TLN2: variants seen among roughly 807,000 people sequenced by gnomAD.
TLN2 encodes talin 2, also known as talin-2.
In TLN2, 118 loss-of-function variants were observed where a neutral mutation model predicts 294.7. The observed-to-expected ratio is 0.40, with a 90% CI of 0.34 to 0.47. The LOEUF (loss-of-function observed/expected upper bound fraction) is 0.47, where lower values mean the gene tolerates loss of function less well. Ranked by LOEUF, TLN2 falls within the 20% of genes least tolerant of loss-of-function variation. The probability of loss-of-function intolerance (pLI) is 0.84; values close to 1 mark genes in which losing one functional copy is unlikely to be tolerated. For synonymous variants in TLN2, 1,431 were observed against 1,304.5 expected (o/e 1.10, Z -2.09); for missense variants, 3,083 against 3,282.2 (o/e 0.94, Z 1.48).
At chr15:62,413,097 A>G (rs1232040698) in intron 1 of TLN2, among the ~76,000 whole-genome samples, 1 of 152,204 alleles carries the variant, frequency 6.6e-6, no homozygotes, top group Non-Finnish European at 1.5e-5. Flanking sequence ...GAGAATTGAA[A>G]TCTTTGCAGG....
chr15:62,762,535 A>C lies in TLN2; in HGVS notation c.4961+82A>C. 4 of 1,434,114 alleles carry C rather than the reference A, an allele frequency of 2.8e-6. No individual in the cohort carries two copies. The South Asian group carries it at 3.7e-5, about 13-fold the overall frequency. 88.8% of individuals were successfully genotyped at this position (1,434,114 alleles called of 1,614,324 possible). A position where few individuals can be genotyped will look rare whatever the true frequency, so the allele number is the denominator to read the frequency against. On this transcript the variant is annotated intron_variant, in intron 39 of 58. Coordinates refer to ENST00000636159, the MANE Select transcript of TLN2 (RefSeq NM_015059.3). ...GATAAGCCCACCAGGCTTTTTACTT[A>C]ATAGTGATATTGTTGATCATTATCA...
At chr15:62,524,001 A>G (rs529080820) in intron 1 of TLN2, among the ~76,000 whole-genome samples, 1 of 152,368 alleles carries the variant, frequency 6.6e-6, no homozygotes, top group African/African-American at 2.4e-5. Context: ...GGTTACTAGT[A>G]TTAGATGCTG....
chr15:62,471,766 C>T (rs192641866), intron 1 of TLN2, among the ~76,000 whole-genome samples: 235 of 152,222 alleles, frequency 1.5e-3, no homozygotes, highest in African/African-American at 5.2e-3. Flanking sequence ...CTTTCACATT[C>T]GGGTTTGAAA....
intron 1 of TLN2, among the ~76,000 whole-genome samples, chr15:62,565,993 G>A (rs550078711): frequency 6.6e-6 from 1 of 151,786 alleles, no homozygotes; most frequent in African/African-American, 2.4e-5. Flanking sequence ...ATCATGATAC[G>A]TCTTAGGGTT....
At chr15:62,647,475 T>A in intron 4 of TLN2, 29 bp downstream of exon 4, 1 of 1,613,014 alleles carries the variant, frequency 6.2e-7, no homozygotes, top group Non-Finnish European at 8.5e-7. Context: ...ACTGGCTTCT[T>A]AAAACGTGTT....
intron 9 of TLN2, among the ~76,000 whole-genome samples, chr15:62,665,134 G>A (rs1286077172): frequency 1.3e-5 from 2 of 152,096 alleles, no homozygotes; most frequent in African/African-American, 2.4e-5. Context: ...GTGCAGTGGC[G>A]CCATCTTAGC....
chr15:62,524,073 C>T (rs1488391532), intron 1 of TLN2, among the ~76,000 whole-genome samples: 2 of 152,186 alleles, frequency 1.3e-5, no homozygotes, highest in Non-Finnish European at 2.9e-5. Context: ...CTATCTGCTT[C>T]CCAGTTAGGC....
At chr15:62,704,890 A>G (rs995424419) in intron 19 of TLN2, among the ~76,000 whole-genome samples, 2 of 152,240 alleles carry the variant, frequency 1.3e-5, no homozygotes, top group African/African-American at 4.8e-5. Context: ...CTTGGTAAAT[A>G]TGAGATTCAG....
Position 62,753,766 on chromosome 15 carries a change from T to C in TLN2, c.4333-7T>C. 3 of 1,602,224 alleles carry C rather than the reference T, an allele frequency of 1.9e-6. No homozygotes were observed. Among genetic ancestry groups the C allele is most frequent in the Non-Finnish European group, 2.6e-6 (3 of 1,174,534 alleles). ...CCTGAGCTGTGGTTTTTCTCTTCCC[T>C]TTCTAGGCTGCATACTTGGTTGGCA... On this transcript the variant is annotated splice_polypyrimidine_tract_variant and splice_region_variant and intron_variant, in intron 35 of 58. Transcript: ENST00000636159.
chr15:62,538,686 G>T (rs927843470), intron 1 of TLN2, among the ~76,000 whole-genome samples: 7 of 152,118 alleles, frequency 4.6e-5, no homozygotes, highest in African/African-American at 1.7e-4. Context: ...GAAGTTAGTT[G>T]TACCTGTAAA....
intron 32 of TLN2, 77 bp downstream of exon 32, chr15:62,740,846 C>T (rs545888375): frequency 1.3e-6 from 2 of 1,580,430 alleles, no homozygotes; most frequent in Admixed American, 3.4e-5. Flanking sequence ...CTGACATCCT[C>T]CCACTTTTGC....
At chr15:62,510,168 C>T (rs1369540528) in intron 1 of TLN2, among the ~76,000 whole-genome samples, 2 of 152,144 alleles carry the variant, frequency 1.3e-5, no homozygotes, top group Non-Finnish European at 2.9e-5. Context: ...CCAAATGGCT[C>T]GTGTTCAGCT....
rs369934703 is a variant in TLN2 at position 62,686,670 on chromosome 15, G to T, written c.987G>T (p.Val329=). The change falls in exon 12 of 59, where the codon GTG becomes GTT. Residue 329 remains valine, a synonymous_variant. Transcript: ENST00000636159. The part of the protein sequence containing the change: ...KEKMKGKNKL[V]PRLLGITKDS... ...AGATGAAAGGCAAGAACAAGCTGGT[G>T]CCTCGCCTGCTGGGGATCACCAAAG... The T allele has an allele frequency of 4.9e-5, 79 of 1,613,768 alleles. No individual in the cohort carries two copies. Among genetic ancestry groups the T allele is most frequent in the Non-Finnish European group, 6.7e-5 (79 of 1,179,890 alleles).
chr15:62,583,528 G>A (rs1452466571), intron 1 of TLN2, among the ~76,000 whole-genome samples: 1 of 151,472 alleles, frequency 6.6e-6, no homozygotes, highest in Non-Finnish European at 1.5e-5. Flanking sequence ...TACAAAAGAT[G>A]GGAGACTATG....
intron 9 of TLN2, among the ~76,000 whole-genome samples, chr15:62,663,915 G>C (rs2054212602): frequency 6.6e-6 from 1 of 151,892 alleles, no homozygotes; most frequent in Non-Finnish European, 1.5e-5. Context: ...TCTTAAAATG[G>C]ACATCTCAAT....
intron 16 of TLN2, among the ~76,000 whole-genome samples, chr15:62,700,876 A>G (rs2058675627): frequency 6.6e-6 from 1 of 152,198 alleles, no homozygotes; most frequent in African/African-American, 2.4e-5. Context: ...AAAAACACAA[A>G]CAACATAATT....
rs1258011102 is a variant in TLN2, at chr15:62,819,516, A to G, written c.6772A>G (p.Ile2258Val). 3.1e-6 allele frequency: 5 copies of G among 1,613,862 alleles called. No homozygotes were observed. The highest frequency in any genetic ancestry group is 1.1e-5 in the South Asian group (1 of 91,064). The change falls in exon 53 of 59, where the codon ATT becomes GTT. Residue 2258 changes from isoleucine (I) to valine (V), a missense_variant and splice_region_variant. Physicochemically the swap from Ile to Val is conservative, Grantham distance 29. Coordinates refer to ENST00000636159, the MANE Select transcript of TLN2 (RefSeq NM_015059.3). ...YLDLLEHVLV[I>V]LQKPTPEFKQ... The stretch of plus-strand genomic sequence containing the variant: ...CCTCTGACTTGTTCTTCACCTGTAG[A>G]TTCTTCAGAAACCAACCCCAGAATT...
At chr15:62,812,458 A>G (rs562345796) in intron 52 of TLN2, among the ~76,000 whole-genome samples, 2 of 152,268 alleles carry the variant, frequency 1.3e-5, no homozygotes, top group Non-Finnish European at 2.9e-5. Context: ...TATGTCTGAC[A>G]CGTACAAAGG....
At chr15:62,723,118 A>AT (rs1341235556) in intron 26 of TLN2, among the ~76,000 whole-genome samples, 2 of 152,318 alleles carry the variant, frequency 1.3e-5, no homozygotes, top group African/African-American at 4.8e-5. Context: ...ACTTTTCTTC[A>AT]TTGTAGCAAT....
Sources: gnomAD v4.1 joint callset for allele counts (sites outside exome capture counted in the v4.1 genomes callset) on GRCh38, gnomAD v4.1.1 for gene constraint, MANE v1.5 for transcripts, NCBI Gene and HGNC (gene_info 2026-07-23, HGNC 2026-07-21) for gene names.